The following ST14 variants were observed in gnomAD, a reference collection of about 807,000 sequenced individuals.
ST14 encodes suppressor of tumorigenicity 14 protein.
In ST14, 40 loss-of-function variants were observed where a neutral mutation model predicts 96.5. That is an observed-to-expected ratio of 0.41 (90% CI 0.32 to 0.54). The LOEUF (loss-of-function observed/expected upper bound fraction) is 0.54. Among genes scored for constraint, ST14 ranks in the 20% least tolerant of loss-of-function variants. The pLI, the probability that ST14 is intolerant of heterozygous loss-of-function variation, is 0.17. For synonymous variants in ST14, 506 were observed against 492.1 expected (o/e 1.03, Z -0.37); for missense variants, 1,066 against 1,188.9 (o/e 0.90, Z 1.52).
chr11:130,200,005 C>A lies in ST14; in HGVS notation c.1862C>A (p.Ala621Glu). The A allele has an allele frequency of 6.2e-7, 1 of 1,614,028 alleles. No homozygotes were observed. Among genetic ancestry groups the A allele is most frequent in the Non-Finnish European group, 8.5e-7 (1 of 1,179,952 alleles). Reference protein sequence around the residue: ...RQARVVGGTDADEGEWPWQVS... With the variant: ...RQARVVGGTDEDEGEWPWQVS... ...GCTCGTGTTGTTGGGGGCACGGATG[C>A]GGATGAGGGCGAGTGGCCCTGGCAG... Residue 621 changes from alanine (A) to glutamate (E), a missense_variant, in exon 16 of 19, where the codon GCG (alanine) becomes GAG (glutamate). By Grantham distance (107) the Ala-to-Glu change is moderately radical. Coordinates refer to ENST00000278742, the MANE Select transcript of ST14 (RefSeq NM_021978.4).
At chr11:130,183,175 G>A (rs1320097201) in intron 1 of ST14, among the ~76,000 whole-genome samples, 2 of 151,848 alleles carry the variant, frequency 1.3e-5, no homozygotes, top group Non-Finnish European at 2.9e-5. Flanking sequence ...GGCCAGGCTG[G>A]TCTTGACCTC....
At chr11:130,163,699 C>T (rs1015173572) in intron 1 of ST14, among the ~76,000 whole-genome samples, 2 of 152,170 alleles carry the variant, frequency 1.3e-5, no homozygotes, top group African/African-American at 4.8e-5. Flanking sequence ...TGGAGTGGAC[C>T]GGAAATCTGC....
In ST14 at chr11:130,188,144, T is replaced by G; in HGVS notation, c.112T>G (p.Phe38Val). The G allele has an allele frequency of 6.2e-7, 1 of 1,613,840 alleles. No individual in the cohort carries two copies. The highest frequency in any genetic ancestry group is 8.5e-7 in the Non-Finnish European group (1 of 1,179,954). The stretch of plus-strand genomic sequence containing the variant: ...GAATGGCTTGGAGGAAGGCGTGGAG[T>G]TCCTGCCAGTCAACAACGTCAAGAA... ...KVNGLEEGVEFLPVNNVKKVE... is the reference protein window; with the variant it reads ...KVNGLEEGVEVLPVNNVKKVE... The change falls in exon 2 of 19, where the codon TTC becomes GTC. Residue 38 changes from phenylalanine (F) to valine (V), a missense_variant. Coordinates refer to ENST00000278742, the MANE Select transcript of ST14 (RefSeq NM_021978.4). The surrounding 1 kb of genome is among the most constrained non-coding windows in gnomAD (Gnocchi z 5.4).
At chr11:130,199,738 G>T (rs1953407516) in intron 15 of ST14, among the ~76,000 whole-genome samples, 1 of 152,192 alleles carries the variant, frequency 6.6e-6, no homozygotes, top group Non-Finnish European at 1.5e-5. Flanking sequence ...TTTGAATTTG[G>T]GAGCGGGGAG....
rs1380938325 is a variant in ST14, at chr11:130,189,854, C to T, written c.556C>T (p.Arg186Cys). The change falls in exon 5 of 19, where the codon CGC becomes TGC. Residue 186 changes from arginine to cysteine, a missense_variant. By Grantham distance (180) the Arg-to-Cys change is radical. Coordinates refer to ENST00000278742, the MANE Select transcript of ST14 (RefSeq NM_021978.4). ...CGTAGTCATGCTGCCCCCGCGGGCG[C>T]GCTCCCTGAAGTCCTTTGTGGTCAC... ...ERVVMLPPRA[R>C]SLKSFVVTSV... The T allele has an allele frequency of 3.7e-6, 6 of 1,613,880 alleles. No individual in the cohort carries two copies. Among genetic ancestry groups the T allele is most frequent in the South Asian group, 1.1e-5 (1 of 91,084 alleles).
intron 6 of ST14, 134 bp from the exon 7 acceptor site, chr11:130,190,320 C>T (rs886079087): frequency 4.1e-5 from 62 of 1,516,432 alleles, no homozygotes; most frequent in Non-Finnish European, 5.2e-5. Context: ...TTCCTGATTT[C>T]CCGAGGCCCA....
intron 9 of ST14, among the ~76,000 whole-genome samples, chr11:130,195,306 T>TGGGGTCAGGTCTTCCTGC (rs1272133496): frequency 6.6e-6 from 1 of 151,484 alleles, no homozygotes; most frequent in Non-Finnish European, 1.5e-5. Context: ...GGGCCCAGGG[T>TGGGGTCAGGTCTTCCTGC]GGGGTCAGGT....
intron 1 of ST14, among the ~76,000 whole-genome samples, chr11:130,174,463 T>C (rs1413141374): frequency 6.8e-6 from 1 of 147,166 alleles, no homozygotes; most frequent in East Asian, 2.1e-4. Context: ...AATCCAGTGT[T>C]GCTCTCCTGG....
chr11:130,167,393 T>A (rs757539673), intron 1 of ST14, among the ~76,000 whole-genome samples: 35 of 152,184 alleles, frequency 2.3e-4, no homozygotes, highest in Non-Finnish European at 4.1e-4. Context: ...CTTCTGAAAT[T>A]CCCTCTCCCA....
rs1472174956 is a variant in ST14 at position 130,194,627 on chromosome 11, C to T, written c.1016-13C>T. 2.5e-6 allele frequency: 4 copies of T among 1,614,014 alleles called. No homozygotes were observed. In the East Asian group the frequency reaches 6.7e-5, roughly 27 times the overall value. On this transcript the variant is annotated splice_polypyrimidine_tract_variant and intron_variant, in intron 8 of 18. Transcript: ENST00000278742. Reference sequence around the variant, plus strand: ...TTCCTGATCCTCTTGCTTTCTCCCACCTTCCCTCTCAGGCTGTGGAGGCCG... The same window carrying T: ...TTCCTGATCCTCTTGCTTTCTCCCATCTTCCCTCTCAGGCTGTGGAGGCCG...
chr11:130,190,027 G>A (rs992791427), intron 5 of ST14, 86 bp from the exon 6 acceptor site: 64 of 1,610,690 alleles, frequency 4.0e-5, no homozygotes, highest in African/African-American at 3.3e-4. Context: ...CGTGCTGGCC[G>A]GGCACCTCCC....
chr11:130,183,263 A>C (rs1389333603), intron 1 of ST14, among the ~76,000 whole-genome samples: 2 of 152,210 alleles, frequency 1.3e-5, no homozygotes, highest in Admixed American at 1.3e-4. Flanking sequence ...CCCGGCCTAC[A>C]TTTCTTATAC....
Position 130,205,507 on chromosome 11 carries a change from G to A in ST14, c.1995-2903G>A, listed in dbSNP as rs187704425. Reference sequence around the variant, plus strand: ...GTTTGCTTTCTCTCTGTTTGCACCCGCATGTATTTTTCAGAACCATTTCCC... The same window carrying A: ...GTTTGCTTTCTCTCTGTTTGCACCCACATGTATTTTTCAGAACCATTTCCC... On this transcript the variant is annotated intron_variant, in intron 16 of 18. Transcript: ENST00000278742. 2.5e-3 allele frequency among the ~76,000 whole-genome samples: 386 copies of A among 152,130 alleles called. 2 individuals carry two copies. Among genetic ancestry groups the A allele is most frequent in the African/African-American group, 9.0e-3 (372 of 41,496 alleles).
At chr11:130,206,173 T>A (rs913831333) in intron 16 of ST14, among the ~76,000 whole-genome samples, 4 of 152,234 alleles carry the variant, frequency 2.6e-5, no homozygotes, top group Non-Finnish European at 4.4e-5. Flanking sequence ...TCTTACAGGA[T>A]GCCTCTCAAT....
intron 1 of ST14, among the ~76,000 whole-genome samples, chr11:130,171,082 A>C (rs1459039683): frequency 6.6e-6 from 1 of 152,242 alleles, no homozygotes; most frequent in African/African-American, 2.4e-5. Context: ...AATGACAGCA[A>C]GATAGTGTCA....
At chr11:130,169,152 C>T (rs912019648) in intron 1 of ST14, among the ~76,000 whole-genome samples, 10 of 135,594 alleles carry the variant, frequency 7.4e-5, no homozygotes, top group Middle Eastern at 4.6e-3. Context: ...TGGAGTACAG[C>T]GGTGTGATCT....
In ST14 at chr11:130,209,500, C is replaced by A. The variant is rs768620928; in HGVS notation, c.2328C>A (p.Cys776Ter). ...TCCGCGTCATCAACCAGACCACCTG[C>A]GAGAACCTCCTGCCGCAGCAGATCA... is the stretch of plus-strand genomic sequence containing the variant. ...GEIRVINQTTCENLLPQQITP... is the reference protein window; with the variant it reads ...GEIRVINQTT Residue 776 changes from cysteine to a stop codon, truncating the protein, a stop_gained, in exon 18 of 19, where the codon TGC becomes TGA. Transcript: ENST00000278742. LOFTEE classifies it high-confidence loss of function. 4 of 1,585,680 alleles carry A rather than the reference C, an allele frequency of 2.5e-6. No homozygotes were observed. Among genetic ancestry groups the A allele is most frequent in the Admixed American group, 1.8e-5 (1 of 55,524 alleles).
Position 130,160,208 on chromosome 11 carries a change from C to T in ST14, c.81+148C>T, listed in dbSNP as rs962613449. Reference sequence around the variant, plus strand: ...GTGGAATTTCCTGTTCAGCGGGTGCCGGGCCGCGGGCGGGCGGGGCTGGCC... The same window carrying T: ...GTGGAATTTCCTGTTCAGCGGGTGCTGGGCCGCGGGCGGGCGGGGCTGGCC... On this transcript the variant is annotated intron_variant, in intron 1 of 18. Coordinates refer to ENST00000278742, the MANE Select transcript of ST14 (RefSeq NM_021978.4). 8 of 516,344 alleles carry T rather than the reference C, an allele frequency of 1.5e-5. No homozygotes were observed. In the East Asian group the frequency reaches 3.1e-4, roughly 20 times the overall value. The allele number at this position is 516,344 out of a possible 1,614,324, so 32.0% of individuals were successfully genotyped here. A position where few individuals can be genotyped will look rare whatever the true frequency, so the allele number is the denominator to read the frequency against.
At chr11:130,197,640 A>C (rs557890364) in intron 11 of ST14, among the ~76,000 whole-genome samples, 1 of 152,346 alleles carries the variant, frequency 6.6e-6, no homozygotes, top group South Asian at 2.1e-4. Flanking sequence ...GTCTGTGGCC[A>C]GCCCTCTTCC....
Sources: allele counts gnomAD v4.1 joint callset (sites outside exome capture counted in the v4.1 genomes callset), GRCh38; gene constraint gnomAD v4.1.1; non-coding constraint Gnocchi (gnomAD v3.1); transcripts MANE v1.5; gene names NCBI Gene and HGNC (gene_info 2026-07-23, HGNC 2026-07-21).